Variants in TMC1 observed in about 807,000 individuals in gnomAD.
TMC1 encodes the protein transmembrane channel-like protein 1.
Under a neutral mutation model 105.8 loss-of-function variants are expected in TMC1, and 84 were observed. That is an observed-to-expected ratio of 0.79 (90% CI 0.67 to 0.95). The LOEUF (loss-of-function observed/expected upper bound fraction) is 0.95. Ranked by LOEUF, TMC1 falls within the 40% of genes least tolerant of loss-of-function variation. TMC1 has a pLI of 0.00. For synonymous variants in TMC1, 315 were observed against 311.5 expected (o/e 1.01, Z -0.12); for missense variants, 817 against 914.1 (o/e 0.89, Z 1.37).
chr9:72,585,455 G>C (rs1473445121), intron 2 of TMC1, among the ~76,000 whole-genome samples: 1 of 152,144 alleles, frequency 6.6e-6, no homozygotes, highest in Non-Finnish European at 1.5e-5. Context: ...TGGCCTGGGT[G>C]CCATGTCTTA....
chr9:72,728,248 T>C (rs1212276937), intron 8 of TMC1, among the ~76,000 whole-genome samples: 1 of 152,100 alleles, frequency 6.6e-6, no homozygotes, highest in East Asian at 1.9e-4. Flanking sequence ...GACTTTGAGT[T>C]TCTAGGATGG....
At chr9:72,592,495 C>T (rs1229296467) in intron 2 of TMC1, among the ~76,000 whole-genome samples, 2 of 152,208 alleles carry the variant, frequency 1.3e-5, no homozygotes, top group Admixed American at 6.5e-5. Context: ...GCTGTGAGCT[C>T]TCCTTGGGAG....
At chr9:72,830,738 C>CTTTTTTTTTTT (rs71495342) in intron 23 of TMC1, 56 bp downstream of exon 23, 256 of 1,147,846 alleles carry the variant, frequency 2.2e-4, no homozygotes, top group African/African-American at 4.7e-4. Flanking sequence ...CTTTTTCTTT[C>CTTTTTTTTTTT]TTTTTTTTTT....
intron 12 of TMC1, among the ~76,000 whole-genome samples, chr9:72,763,681 CGA>C (rs1564538624): frequency 6.6e-6 from 1 of 151,896 alleles, no homozygotes; most frequent in African/African-American, 2.4e-5. Context: ...CTGAGTAAAA[CGA>C]GAGAGCTCAG....
chr9:72,740,006 G>T (rs1425717335), intron 8 of TMC1, 113 bp from the exon 9 acceptor site: 10 of 790,114 alleles, frequency 1.3e-5, no homozygotes, highest in Non-Finnish European at 2.1e-5. Flanking sequence ...ACCTGTGAAG[G>T]ATCTAGAAGA....
intron 11 of TMC1, among the ~76,000 whole-genome samples, 179 bp downstream of exon 11, chr9:72,752,135 C>T (rs1459167535): frequency 2.0e-5 from 3 of 152,138 alleles, no homozygotes; most frequent in Admixed American, 6.5e-5. Context: ...AATCCTTGCA[C>T]TAAAGGGGGT....
At chr9:72,690,341 A>G (rs1826443965) in intron 6 of TMC1, among the ~76,000 whole-genome samples, 1 of 152,184 alleles carries the variant, frequency 6.6e-6, no homozygotes, top group Non-Finnish European at 1.5e-5. Context: ...TTTTACTTTT[A>G]TAATACAATT....
intron 18 of TMC1, among the ~76,000 whole-genome samples, chr9:72,815,757 C>T (rs1418125656): frequency 6.6e-6 from 1 of 152,126 alleles, no homozygotes; most frequent in Admixed American, 6.5e-5. Context: ...ATCATCACAT[C>T]AGATAATTTT....
chr9:72,585,096 T>G lies in TMC1; in HGVS notation c.-306+7073T>G, dbSNP rs150045066. On this transcript the variant is annotated intron_variant, in intron 2 of 23. Coordinates refer to ENST00000297784, the MANE Select transcript of TMC1 (RefSeq NM_138691.3). The stretch of plus-strand genomic sequence containing the variant: ...CACCATGCCTGGCCATTTTTCTTGA[T>G]AAAGGGGTGTCATTGGGGCTTCTCT... 2.2e-3 allele frequency among the ~76,000 whole-genome samples: 340 copies of G among 151,120 alleles called. 3 individuals are homozygous for G. Among genetic ancestry groups the G allele is most frequent in the African/African-American group, 7.8e-3 (323 of 41,210 alleles).
chr9:72,725,729 C>T (rs987704787), intron 8 of TMC1, among the ~76,000 whole-genome samples: 4 of 151,920 alleles, frequency 2.6e-5, no homozygotes, highest in African/African-American at 9.7e-5. Context: ...CTGGCTCTGT[C>T]GCCCAGGCTG....
At chr9:72,683,398 G>T (rs1020298467) in intron 5 of TMC1, among the ~76,000 whole-genome samples, 1 of 151,714 alleles carries the variant, frequency 6.6e-6, no homozygotes, top group African/African-American at 2.4e-5. Flanking sequence ...CCCATCATTC[G>T]TATTGCTATA....
At chr9:72,819,978 T>C (rs1828842350) in intron 19 of TMC1, among the ~76,000 whole-genome samples, 1 of 152,180 alleles carries the variant, frequency 6.6e-6, no homozygotes, top group Non-Finnish European at 1.5e-5. Flanking sequence ...AACTAAGCCA[T>C]CAAGTAAAAG....
intron 2 of TMC1, among the ~76,000 whole-genome samples, chr9:72,605,502 G>A (rs1824897217): frequency 6.6e-6 from 1 of 151,952 alleles, no homozygotes; most frequent in Non-Finnish European, 1.5e-5. Flanking sequence ...CTCTTCACAT[G>A]GTTGTCCCTC....
intron 13 of TMC1, among the ~76,000 whole-genome samples, chr9:72,783,232 G>A (rs1354891568): frequency 1.3e-5 from 2 of 152,102 alleles, no homozygotes; most frequent in Admixed American, 1.3e-4. Context: ...TAGGCCGTCT[G>A]CAAGCTGAGG....
chr9:72,570,096 T>C (rs1396813010), intron 1 of TMC1, among the ~76,000 whole-genome samples: 1 of 152,182 alleles, frequency 6.6e-6, no homozygotes, highest in East Asian at 1.9e-4. Context: ...TCTTTGTGAA[T>C]GTTCAGAAAT....
chr9:72,686,297 G>A (rs548492009), intron 5 of TMC1, among the ~76,000 whole-genome samples: 3 of 152,264 alleles, frequency 2.0e-5, no homozygotes, highest in South Asian at 2.1e-4. Flanking sequence ...GAGATCATAC[G>A]ATTGGGAATA....
At chr9:72,710,326 T>C (rs751982752) in intron 8 of TMC1, among the ~76,000 whole-genome samples, 10 of 152,202 alleles carry the variant, frequency 6.6e-5, no homozygotes, top group Non-Finnish European at 1.5e-4. Flanking sequence ...TCTGTGGTTG[T>C]TGGGTAGAAT....
chr9:72,733,847 T>G (rs1415679767), intron 8 of TMC1, among the ~76,000 whole-genome samples: 1 of 151,676 alleles, frequency 6.6e-6, no homozygotes, highest in Non-Finnish European at 1.5e-5. Flanking sequence ...TCAGCATACT[T>G]TTTTTTTTCT....
At chr9:72,586,109 T>C (rs1367079109) in intron 2 of TMC1, among the ~76,000 whole-genome samples, 1 of 152,176 alleles carries the variant, frequency 6.6e-6, no homozygotes, top group Non-Finnish European at 1.5e-5. Flanking sequence ...TAGCTGGCAT[T>C]TTATATGGAA....
Sources: gnomAD v4.1 joint callset for allele counts (sites outside exome capture counted in the v4.1 genomes callset) on GRCh38, gnomAD v4.1.1 for gene constraint, MANE v1.5 for transcripts, NCBI Gene and HGNC (gene_info 2026-07-23, HGNC 2026-07-21) for gene names.